The following SLCO5A1 variants were observed in gnomAD, a reference collection of about 807,000 sequenced individuals.
The protein encoded by SLCO5A1 is solute carrier organic anion transporter family member 5A1, also known as organic anion transporter polypeptide-related protein 4.
SLCO5A1 carries 39 observed loss-of-function variants against 65.1 expected under a neutral mutation model. That is an observed-to-expected ratio of 0.60 (90% confidence interval 0.46 to 0.78). The LOEUF (loss-of-function observed/expected upper bound fraction) is 0.78. Ranked by LOEUF, SLCO5A1 falls within the 30% of genes least tolerant of loss-of-function variation. The probability of loss-of-function intolerance (pLI) is 0.00; values close to 1 mark genes in which losing one functional copy is unlikely to be tolerated. For synonymous variants in SLCO5A1, 438 were observed against 415.7 expected, an observed-to-expected ratio of 1.05 and a Z score of -0.65; for missense variants, 1,029 against 1,069.4, an observed-to-expected ratio of 0.96 and a Z score of 0.53.
chr8:69,750,632 C>G (rs1817252538), intron 4 of SLCO5A1, among the ~76,000 whole-genome samples: 1 of 152,140 alleles, frequency 6.6e-6, no homozygotes, highest in Non-Finnish European at 1.5e-5. Context: ...CCTGAACATT[C>G]CTGACACCCG....
At chr8:69,831,380 T>A (rs1018468688) in intron 2 of SLCO5A1, among the ~76,000 whole-genome samples, 1 of 152,174 alleles carries the variant, frequency 6.6e-6, no homozygotes, top group South Asian at 2.1e-4. Flanking sequence ...CAGCAGCAGA[T>A]AGAAGCAGAA....
intron 2 of SLCO5A1, among the ~76,000 whole-genome samples, chr8:69,784,515 C>T (rs545932124): frequency 7.2e-4 from 109 of 152,148 alleles, no homozygotes; most frequent in Non-Finnish European, 1.3e-3. Flanking sequence ...AGGCCAGGTG[C>T]GGTGGCTCAC....
chr8:69,779,337 T>C (rs1490111943), intron 2 of SLCO5A1, among the ~76,000 whole-genome samples: 1 of 152,222 alleles, frequency 6.6e-6, no homozygotes, highest in Non-Finnish European at 1.5e-5. Context: ...ATAAAGTTTA[T>C]AGTTTTAACA....
chr8:69,825,889 C>A (rs1321496317), intron 2 of SLCO5A1, among the ~76,000 whole-genome samples: 2 of 151,984 alleles, frequency 1.3e-5, no homozygotes, highest in African/African-American at 4.8e-5. Flanking sequence ...ATACTACAAG[C>A]CTACAGTAAC....
rs933807720 is a variant in SLCO5A1 at position 69,823,395 on chromosome 8, G to A, written c.907+8372C>T. ...GAGACCCATCTCACGTGCAGAGACAGACACACATAGGCTCAAAATAAAAGG... is the reference window on the plus strand; with the variant it reads ...GAGACCCATCTCACGTGCAGAGACAAACACACATAGGCTCAAAATAAAAGG... On this transcript the variant is annotated intron_variant, in intron 2 of 9. Transcript: ENST00000260126. 3.9e-5 allele frequency among the ~76,000 whole-genome samples: 6 copies of A among 152,164 alleles called. No homozygotes were observed. In the East Asian group the frequency reaches 9.6e-4, roughly 24 times the overall value.
intron 2 of SLCO5A1, among the ~76,000 whole-genome samples, chr8:69,798,632 C>T (rs1232531991): frequency 1.3e-5 from 2 of 152,148 alleles, no homozygotes; most frequent in African/African-American, 2.4e-5. Flanking sequence ...GATTTAATCA[C>T]CTCCCACCAA....
intron 2 of SLCO5A1, among the ~76,000 whole-genome samples, chr8:69,779,869 AC>A (rs1818724953): frequency 6.6e-6 from 1 of 152,184 alleles, no homozygotes; most frequent in Non-Finnish European, 1.5e-5. Context: ...TGAACAGTCA[AC>A]CTGCAGAATA....
At chr8:69,724,808 C>T (rs1049891995) in intron 5 of SLCO5A1, among the ~76,000 whole-genome samples, 1 of 152,170 alleles carries the variant, frequency 6.6e-6, no homozygotes, top group Non-Finnish European at 1.5e-5. Flanking sequence ...AAATAAGAGG[C>T]CGCAGCAGGA....
chr8:69,687,038 A>T (rs1488254970), intron 6 of SLCO5A1, among the ~76,000 whole-genome samples: 1 of 124,772 alleles, frequency 8.0e-6, no homozygotes, highest in Non-Finnish European at 1.7e-5. Flanking sequence ...ACGCGCTAAG[A>T]TATTGGTATC....
At chr8:69,826,821 C>A (rs1008273332) in intron 2 of SLCO5A1, among the ~76,000 whole-genome samples, 7 of 152,144 alleles carry the variant, frequency 4.6e-5, no homozygotes, top group African/African-American at 1.7e-4. Flanking sequence ...GACTGTAAAT[C>A]ATGCTGCTAT....
At chr8:69,815,149 C>CA (rs1820351466) in intron 2 of SLCO5A1, among the ~76,000 whole-genome samples, 1 of 152,016 alleles carries the variant, frequency 6.6e-6, no homozygotes, top group Admixed American at 6.6e-5. Flanking sequence ...AAGTAAATTT[C>CA]AAAGGTTTTC....
At chr8:69,703,608 AATGCT>A (rs1483382380) in intron 6 of SLCO5A1, among the ~76,000 whole-genome samples, 1 of 152,214 alleles carries the variant, frequency 6.6e-6, no homozygotes, top group Non-Finnish European at 1.5e-5. Context: ...AATACAATGG[AATGCT>A]ATGCAGTGGT....
chr8:69,797,637 C>T (rs1347261217), intron 2 of SLCO5A1, among the ~76,000 whole-genome samples: 1 of 151,824 alleles, frequency 6.6e-6, no homozygotes, highest in Non-Finnish European at 1.5e-5. Flanking sequence ...GGGGGGTGGC[C>T]GTCTTTTATG....
intron 2 of SLCO5A1, among the ~76,000 whole-genome samples, chr8:69,768,577 G>A (rs558857211): frequency 5.5e-4 from 84 of 152,298 alleles, no homozygotes; most frequent in Non-Finnish European, 1.1e-3. Context: ...TGGCTTCTGA[G>A]GAGGCCTCTC....
At chr8:69,777,128 G>A (rs1027226279) in intron 2 of SLCO5A1, among the ~76,000 whole-genome samples, 3 of 152,170 alleles carry the variant, frequency 2.0e-5, no homozygotes, top group Non-Finnish European at 4.4e-5. Flanking sequence ...TCGTAGTAGT[G>A]AAAAACTGGA....
chr8:69,711,737 C>T (rs952079037), intron 5 of SLCO5A1, among the ~76,000 whole-genome samples: 5 of 152,202 alleles, frequency 3.3e-5, no homozygotes, highest in African/African-American at 1.2e-4. Flanking sequence ...ATTTTCTCCT[C>T]TCTGAAATGT....
rs373889949 is a variant in SLCO5A1, at chr8:69,832,177, T to A, written c.497A>T (p.Glu166Val). 2.3e-4 allele frequency: 374 copies of A among 1,614,144 alleles called. 2 individuals are homozygous for A. Among genetic ancestry groups the A allele is most frequent in the South Asian group, 1.4e-3 (132 of 91,080 alleles). The change falls in exon 2 of 10, where the codon GAG (glutamate) becomes GTG (valine). Residue 166 changes from glutamate to valine, a missense_variant. Glu to Val is a moderately radical substitution (Grantham distance 121). This residue lies in a region of SLCO5A1 where 647 missense variants were observed against 647.5 expected (regional missense o/e 1.00). Coordinates refer to ENST00000260126, the MANE Select transcript of SLCO5A1 (RefSeq NM_030958.3). The surrounding 1 kb of genome is among the most constrained non-coding windows in gnomAD (Gnocchi z 4.5). ...AAAGCAGCTGACCAGCAGCCCCGAC[T>A]CGGAACTCTTCAGACTGTAGCGCCT... is the stretch of plus-strand genomic sequence containing the variant. Reference protein sequence around the residue: ...IERRYSLKSSESGLLVSCFDI... With the variant: ...IERRYSLKSSVSGLLVSCFDI...
chr8:69,784,949 A>G (rs893483787), intron 2 of SLCO5A1, among the ~76,000 whole-genome samples: 2 of 139,208 alleles, frequency 1.4e-5, no homozygotes, highest in African/African-American at 2.7e-5. Flanking sequence ...AAAGAAAGAA[A>G]GAAGAAAGGA....
At chr8:69,736,339 G>A (rs1186337787) in intron 5 of SLCO5A1, among the ~76,000 whole-genome samples, 1 of 152,220 alleles carries the variant, frequency 6.6e-6, no homozygotes, top group Non-Finnish European at 1.5e-5. Flanking sequence ...CAAGTTGTCT[G>A]TCTAGCCTTG....
Sources: allele counts gnomAD v4.1 joint callset (sites outside exome capture counted in the v4.1 genomes callset), GRCh38; gene constraint gnomAD v4.1.1; regional missense constraint gnomAD v4.1.1; non-coding constraint Gnocchi (gnomAD v3.1); transcripts MANE v1.5; gene names NCBI Gene and HGNC (gene_info 2026-07-23, HGNC 2026-07-21).